The following ROCK2 variants were observed in gnomAD, a reference collection of about 807,000 sequenced individuals.
ROCK2 encodes Rho associated coiled-coil containing protein kinase 2, also known as rho-associated protein kinase 2.
A neutral mutation model predicts 195.1 loss-of-function variants in ROCK2; 61 were observed. The observed-to-expected ratio is 0.31, with a 90% CI of 0.25 to 0.39. The LOEUF (loss-of-function observed/expected upper bound fraction) is 0.39, where lower values mean the gene tolerates loss of function less well. Among genes scored for constraint, ROCK2 ranks in the 10% least tolerant of loss-of-function variants. The probability of loss-of-function intolerance (pLI) is 1.00; values close to 1 mark genes in which losing one functional copy is unlikely to be tolerated. For synonymous variants in ROCK2, 504 were observed against 545.5 expected (o/e 0.92, Z 1.06); for missense variants, 1,109 against 1,637.4 (o/e 0.68, Z 5.57).
In ROCK2 at chr2:11,197,113, G is replaced by A. The variant is rs570132813; in HGVS notation, c.3448+67C>T. On this transcript the variant is annotated intron_variant, in intron 27 of 32. Coordinates refer to ENST00000315872, the MANE Select transcript of ROCK2 (RefSeq NM_004850.5). This position sits in a 1 kb window ranked among gnomAD's most constrained non-coding sequence, Gnocchi z 4.9. ...CATTTTTCCTTCAGAGCAGTCAGTC[G>A]CAAGACTTAAAACAATCAACTGATT... 9.5e-6 allele frequency: 11 copies of A among 1,157,344 alleles called. No homozygotes were observed. The East Asian group carries it at 1.4e-4, about 15-fold the overall frequency. 71.7% of individuals were successfully genotyped at this position (1,157,344 alleles called of 1,614,324 possible).
Position 11,235,858 on chromosome 2 carries a change from T to A in ROCK2, c.567A>T (p.Lys189Asn). 1 of 1,613,928 alleles carries A rather than the reference T, an allele frequency of 6.2e-7. No individual in the cohort carries two copies. Among genetic ancestry groups the A allele is most frequent in the Non-Finnish European group, 8.5e-7 (1 of 1,179,910 alleles). The stretch of plus-strand genomic sequence containing the variant: ...CTTCAGCAGTGTAAAATTTGGCCCA[T>A]TTTTCAGGCACATCATAATTACTCA... Reference protein sequence around the residue: ...NLMSNYDVPEKWAKFYTAEVV... With the variant: ...NLMSNYDVPENWAKFYTAEVV... Residue 189 changes from lysine (K) to asparagine (N), a missense_variant, in exon 5 of 33, where the codon AAA becomes AAT. Transcript: ENST00000315872. The surrounding 1 kb of genome is among the most constrained non-coding windows in gnomAD (Gnocchi z 4.2).
chr2:11,292,048 A>C (rs1355369767), intron 1 of ROCK2, among the ~76,000 whole-genome samples: 1 of 152,190 alleles, frequency 6.6e-6, no homozygotes, highest in Non-Finnish European at 1.5e-5. Context: ...TGAATTTAGT[A>C]ACTCAGAGGT....
rs771818299 is a variant in ROCK2, at chr2:11,192,365, TAA to T, written c.3950-6_3950-5del. 1.9e-6 allele frequency: 3 copies of T among 1,597,184 alleles called. No homozygotes were observed. In the East Asian group the frequency reaches 6.7e-5, roughly 36 times the overall value. On this transcript the variant is annotated splice_region_variant and splice_polypyrimidine_tract_variant and intron_variant, in intron 31 of 32. Coordinates refer to ENST00000315872, the MANE Select transcript of ROCK2 (RefSeq NM_004850.5). The surrounding 1 kb of genome is among the most constrained non-coding windows in gnomAD (Gnocchi z 5.0). ...GCCGTTGAAATATCATAATATACTA[TAA>T]AGAAAAATTAGAAAAAAAAATTAAT...
chr2:11,217,185 A>C lies in ROCK2; in HGVS notation c.1333-16T>G. 8.0e-7 allele frequency: 1 copy of C among 1,255,738 alleles called. No homozygotes were observed. The highest frequency in any genetic ancestry group is 1.2e-6 in the Non-Finnish European group (1 of 860,962). 77.8% of individuals were successfully genotyped at this position (1,255,738 alleles called of 1,614,324 possible). On this transcript the variant is annotated splice_polypyrimidine_tract_variant and intron_variant, in intron 11 of 32. Transcript: ENST00000315872. ...TTTTCTGAATCTGTCAAAAAACAAGAAACTGTAATTACGTATTTTGGTCAT... is the reference window on the plus strand; with the variant it reads ...TTTTCTGAATCTGTCAAAAAACAAGCAACTGTAATTACGTATTTTGGTCAT...
chr2:11,240,503 G>C (rs1665385093), intron 4 of ROCK2, among the ~76,000 whole-genome samples: 1 of 152,214 alleles, frequency 6.6e-6, no homozygotes, highest in South Asian at 2.1e-4. Context: ...TAAGGAAAAA[G>C]TACCAGATGT....
At chr2:11,215,878 C>T (rs1291895742) in intron 13 of ROCK2, among the ~76,000 whole-genome samples, 1 of 152,174 alleles carries the variant, frequency 6.6e-6, no homozygotes, top group African/African-American at 2.4e-5. Flanking sequence ...TCCACAATTA[C>T]TGAACTATCA....
intron 1 of ROCK2, among the ~76,000 whole-genome samples, chr2:11,333,554 G>GAA: frequency 6.6e-6 from 1 of 152,078 alleles, no homozygotes. Flanking sequence ...CTACAAACAT[G>GAA]AAACAGTTTA....
chr2:11,233,963 T>C (rs1665114405), intron 5 of ROCK2: 1 of 152,164 alleles, frequency 6.6e-6, no homozygotes, highest in African/African-American at 2.4e-5. Context: ...CAACTGTCTG[T>C]ATCTGAGTTT....
intron 7 of ROCK2, among the ~76,000 whole-genome samples, chr2:11,222,818 C>T (rs181047719): frequency 2.0e-5 from 3 of 152,164 alleles, no homozygotes; most frequent in Admixed American, 2.0e-4. Context: ...AACTGTAGAC[C>T]TTAAGGGGAA....
intron 1 of ROCK2, among the ~76,000 whole-genome samples, chr2:11,339,045 T>C (rs1558406989): frequency 6.6e-6 from 1 of 152,210 alleles, no homozygotes; most frequent in Admixed American, 6.5e-5. Flanking sequence ...TTGCATTAAA[T>C]AGGTGTGTGC....
At chr2:11,245,168 T>G (rs2148120475) in intron 4 of ROCK2, among the ~76,000 whole-genome samples, 1 of 151,396 alleles carries the variant, frequency 6.6e-6, no homozygotes, top group African/African-American at 2.4e-5. Flanking sequence ...TCCTTATACA[T>G]TAGCAATGAA....
chr2:11,197,718 A>T lies in ROCK2; in HGVS notation c.3100-13T>A, dbSNP rs767052045. The T allele has an allele frequency of 9.9e-6, 15 of 1,508,914 alleles. No individual in the cohort carries two copies. The South Asian group carries it at 1.1e-4, about 11-fold the overall frequency. The allele number at this position is 1,508,914 out of a possible 1,614,324, so 93.5% of individuals were successfully genotyped here. A position where few individuals can be genotyped will look rare whatever the true frequency, so the allele number is the denominator to read the frequency against. Reference sequence around the variant, plus strand: ...ACTTATTCACAGCCTTAAAAAATGTAAAAATAAATATAATACATAAATAAA... The same window carrying T: ...ACTTATTCACAGCCTTAAAAAATGTTAAAATAAATATAATACATAAATAAA... On this transcript the variant is annotated splice_polypyrimidine_tract_variant and intron_variant, in intron 25 of 32. Transcript: ENST00000315872. The surrounding 1 kb of genome is among the most constrained non-coding windows in gnomAD (Gnocchi z 4.9).
intron 1 of ROCK2, among the ~76,000 whole-genome samples, chr2:11,291,126 A>G (rs1310487148): frequency 6.6e-6 from 1 of 152,240 alleles, no homozygotes; most frequent in Non-Finnish European, 1.5e-5. Context: ...ATTATGAGGG[A>G]AAAAATACAT....
chr2:11,248,708 C>CAAAAATAAAAAA (rs1665714000), intron 4 of ROCK2, among the ~76,000 whole-genome samples: 1 of 45,412 alleles, frequency 2.2e-5, no homozygotes, highest in Non-Finnish European at 3.4e-5. Context: ...GACTTCATCT[C>CAAAAATAAAAAA]AAAAAAAAAA....
intron 32 of ROCK2, among the ~76,000 whole-genome samples, chr2:11,185,988 C>A (rs986214483): frequency 2.6e-5 from 4 of 152,142 alleles, no homozygotes; most frequent in African/African-American, 9.6e-5. Flanking sequence ...CTGAAAAGGG[C>A]CCAAATATTT....
chr2:11,230,312 A>G (rs1336119505), intron 5 of ROCK2, among the ~76,000 whole-genome samples: 3 of 152,150 alleles, frequency 2.0e-5, no homozygotes, highest in African/African-American at 4.8e-5. Flanking sequence ...AAATGCTCCA[A>G]AAGGGGGATA....
rs117842214 is a variant in ROCK2, at chr2:11,209,411, G to A, written c.2204-964C>T. Among the ~76,000 whole-genome samples the A allele has an allele frequency of 7.2e-4, 109 of 152,274 alleles. No homozygotes were observed. The East Asian group carries it at 0.02, about 28-fold the overall frequency. ...GGCATATGGCAAGCACTTGGTAAGT[G>A]CTTATTATTTAAGCAGAATTTTTAA... On this transcript the variant is annotated intron_variant, in intron 18 of 32. Transcript: ENST00000315872.
intron 1 of ROCK2, among the ~76,000 whole-genome samples, chr2:11,337,188 T>C (rs1008080849): frequency 6.7e-6 from 1 of 149,618 alleles, no homozygotes; most frequent in African/African-American, 2.5e-5. Flanking sequence ...GAGGTTACAG[T>C]GAACCGAGAT....
chr2:11,327,949 C>CT (rs747779372), intron 1 of ROCK2, among the ~76,000 whole-genome samples: 7 of 151,952 alleles, frequency 4.6e-5, no homozygotes, highest in Non-Finnish European at 7.4e-5. Flanking sequence ...TTGTGATAAG[C>CT]TGACAAAACA....
Sources: allele counts gnomAD v4.1 joint callset (sites outside exome capture counted in the v4.1 genomes callset), GRCh38; gene constraint gnomAD v4.1.1; non-coding constraint Gnocchi (gnomAD v3.1); transcripts MANE v1.5; gene names NCBI Gene and HGNC (gene_info 2026-07-23, HGNC 2026-07-21).